USP31: variants seen among roughly 807,000 people sequenced by gnomAD.
The protein encoded by USP31 is ubiquitin carboxyl-terminal hydrolase 31.
In USP31, 44 loss-of-function variants were observed where a neutral mutation model predicts 119.4. The observed-to-expected ratio is 0.37, with a 90% confidence interval of 0.29 to 0.47. The LOEUF is 0.47. Ranked by LOEUF, USP31 falls within the 20% of genes least tolerant of loss-of-function variation. The probability of loss-of-function intolerance (pLI) is 0.99; values close to 1 mark genes in which losing one functional copy is unlikely to be tolerated. For missense variants in USP31, 1,643 were observed against 1,730.2 expected, an observed-to-expected ratio of 0.95 and a Z score of 0.89; for synonymous variants, 749 against 705.6, an observed-to-expected ratio of 1.06 and a Z score of -0.97.
rs1042650956 is a variant in USP31, at chr16:23,098,729, C to T, written c.1234+3590G>A. 2.0e-5 allele frequency among the ~76,000 whole-genome samples: 3 copies of T among 152,148 alleles called. No homozygotes were observed. In the East Asian group the frequency reaches 5.8e-4, roughly 29 times the overall value. Reference sequence around the variant, plus strand: ...AAAAACAAGAAATGGGGAAAGGATTCCCTGTTTAATAAATGGTGCTGGGAA... The same window carrying T: ...AAAAACAAGAAATGGGGAAAGGATTTCCTGTTTAATAAATGGTGCTGGGAA... On this transcript the variant is annotated intron_variant, in intron 6 of 15. Transcript: ENST00000219689.
Position 23,067,913 on chromosome 16 carries a change from TCACA to T in USP31, c.*129_*132del, listed in dbSNP as rs113946424. ...GAATTAGACACACACACGCATACAC[TCACA>T]CACACACACACAGTCGGGCACGTGA... On this transcript the variant is annotated 3_prime_UTR_variant, in exon 16 of 16. Transcript: ENST00000219689. 58 of 1,017,778 alleles carry T rather than the reference TCACA, an allele frequency of 5.7e-5. No homozygotes were observed. The highest frequency in any genetic ancestry group is 6.7e-4 in the Middle Eastern group (2 of 3,000). 63.0% of individuals were successfully genotyped at this position (1,017,778 alleles called of 1,614,324 possible).
intron 1 of USP31, among the ~76,000 whole-genome samples, chr16:23,113,471 C>T (rs901891584): frequency 6.6e-6 from 1 of 152,132 alleles, no homozygotes; most frequent in East Asian, 1.9e-4. Flanking sequence ...AGAGTGGCAT[C>T]ATACAAGTGA....
Position 23,062,326 on chromosome 16 carries a change from A to G in USP31, c.*5720T>C, listed in dbSNP as rs1472522035. On this transcript the variant is annotated 3_prime_UTR_variant, in exon 16 of 16. Coordinates refer to ENST00000219689, the MANE Select transcript of USP31 (RefSeq NM_020718.4). The stretch of plus-strand genomic sequence containing the variant: ...TGTATTACTTAATGGTAAAACAAAC[A>G]AAAAACAAAACAAAACAAAAACACG... 6 of 152,664 alleles carry G rather than the reference A, an allele frequency of 3.9e-5. 1 individual carries two copies. The highest frequency in any genetic ancestry group is 1.4e-4 in the African/African-American group (6 of 41,566). The allele number at this position is 152,664 out of a possible 1,614,324, so 9.5% of individuals were successfully genotyped here. A position where few individuals can be genotyped will look rare whatever the true frequency, so the allele number is the denominator to read the frequency against.
chr16:23,071,358 A>ACTC (rs35004415), intron 15 of USP31, among the ~76,000 whole-genome samples: 41,340 of 150,654 alleles, frequency 0.27, 6,042 homozygotes, highest in Admixed American at 0.35. Flanking sequence ...AGCTGCACTC[A>ACTC]CTCCTTCCAG....
At chr16:23,081,444 C>T (rs1480499859) in intron 12 of USP31, among the ~76,000 whole-genome samples, 3 of 152,148 alleles carry the variant, frequency 2.0e-5, no homozygotes, top group East Asian at 1.9e-4. Context: ...CTGATACCTC[C>T]GCCTCCTCAG....
chr16:23,143,589 G>C lies in USP31; in HGVS notation c.633+5049C>G, dbSNP rs539201074. On this transcript the variant is annotated intron_variant, in intron 1 of 15. Coordinates refer to ENST00000219689, the MANE Select transcript of USP31 (RefSeq NM_020718.4). ...GAGAAAGAGAGAGGGAGAGGTTGGG[G>C]GGGGGGAGAGAGAGAGAAAGAGAGA... 1.7e-4 allele frequency among the ~76,000 whole-genome samples: 25 copies of C among 151,332 alleles called. No individual in the cohort carries two copies. In the South Asian group the frequency reaches 2.3e-3, roughly 14 times the overall value.
chr16:23,129,945 A>G (rs563284542), intron 1 of USP31, among the ~76,000 whole-genome samples: 5 of 152,220 alleles, frequency 3.3e-5, no homozygotes, highest in Non-Finnish European at 7.3e-5. Context: ...CAAAGTAGTC[A>G]GGGGACTGTG....
At chr16:23,114,350 C>A (rs1329756045) in intron 1 of USP31, among the ~76,000 whole-genome samples, 1 of 150,458 alleles carries the variant, frequency 6.6e-6, no homozygotes, top group African/African-American at 2.4e-5. Context: ...GGGGTAATGA[C>A]AATCTCATGG....
At chr16:23,072,009 C>T (rs1171979852) in intron 15 of USP31, 36 bp downstream of exon 15, 20 of 1,589,538 alleles carry the variant, frequency 1.3e-5, no homozygotes, top group Non-Finnish European at 1.7e-5. Flanking sequence ...CTGTGAGTTA[C>T]CATTCTGGAA....
intron 1 of USP31, among the ~76,000 whole-genome samples, chr16:23,142,156 T>C (rs887987432): frequency 2.6e-5 from 4 of 152,248 alleles, no homozygotes; most frequent in Non-Finnish European, 5.9e-5. Context: ...AATTATCCCA[T>C]GTATTTTTAT....
In USP31 at chr16:23,068,735, T is replaced by A; in HGVS notation, c.3370A>T (p.Thr1124Ser). 3 of 1,606,928 alleles carry A rather than the reference T, an allele frequency of 1.9e-6. No homozygotes were observed. The highest frequency in any genetic ancestry group is 2.5e-6 in the Non-Finnish European group (3 of 1,176,908). Residue 1124 changes from threonine (T) to serine (S), a missense_variant, in exon 16 of 16, where the codon ACT becomes TCT. Around this residue, in one of 5 missense-constraint regions of USP31, gnomAD observed 699 missense variants for 650.9 expected, o/e 1.07. Coordinates refer to ENST00000219689, the MANE Select transcript of USP31 (RefSeq NM_020718.4). ...TTTTTGGCAGATGTGGAGGAAGCAG[T>A]GTAGGTGAGGGCCGAGGCTGACTTC... Reference protein sequence around the residue: ...KQKSASALTYTASSTSAKKAS... With the variant: ...KQKSASALTYSASSTSAKKAS...
rs753479028 is a variant in USP31, at chr16:23,102,336, C to CCTTCAGGCCTAAATATTT, written c.1199_1216dup (p.Glu400_Glu405dup). The CCTTCAGGCCTAAATATTT allele has an allele frequency of 2.5e-4, 401 of 1,613,338 alleles. No individual in the cohort carries two copies. Among genetic ancestry groups the CCTTCAGGCCTAAATATTT allele is most frequent in the Middle Eastern group, 4.9e-4 (3 of 6,082 alleles). On this transcript the variant is annotated inframe_insertion, in exon 6 of 16. Transcript: ENST00000219689. Reference sequence around the variant, plus strand: ...TCCCTTACCTCTTTGACTGAGAATTCCTTCAGGCCTAAATATTTCGGGAGT... The same window carrying CCTTCAGGCCTAAATATTT: ...TCCCTTACCTCTTTGACTGAGAATTCCTTCAGGCCTAAATATTTCTTCAGGCCTAAATATTTCGGGAGT...
rs1206810997 is a variant in USP31 at position 23,125,753 on chromosome 16, A to C, written c.634-17570T>G. ...AGGAACTCTTATTTTTAGAAGATTA[A>C]AGAACTTTCCAACTTAATGTATCTG... On this transcript the variant is annotated intron_variant, in intron 1 of 15. Transcript: ENST00000219689. Among the ~76,000 whole-genome samples the C allele has an allele frequency of 4.6e-5, 7 of 152,342 alleles. No homozygotes were observed. The South Asian group carries it at 1.4e-3, about 32-fold the overall frequency.
chr16:23,104,489 G>A (rs1291764865), intron 5 of USP31, among the ~76,000 whole-genome samples: 1 of 152,208 alleles, frequency 6.6e-6, no homozygotes, highest in Non-Finnish European at 1.5e-5. Flanking sequence ...TCATCCTGAA[G>A]AGAAGAAAGA....
At chr16:23,091,766 A>G (rs899726943) in intron 6 of USP31, among the ~76,000 whole-genome samples, 6 of 152,244 alleles carry the variant, frequency 3.9e-5, no homozygotes, top group African/African-American at 1.4e-4. Flanking sequence ...CAAACTAGAA[A>G]TAAGAAAAAA....
intron 7 of USP31, among the ~76,000 whole-genome samples, chr16:23,089,937 G>A (rs891839781): frequency 1.3e-5 from 2 of 151,932 alleles, no homozygotes; most frequent in East Asian, 3.9e-4. Context: ...GTTCAATTTG[G>A]GACAGAAGAC....
rs569037404 is a variant in USP31 at position 23,063,135 on chromosome 16, C to G, written c.*4911G>C. The G allele has an allele frequency of 1.3e-5, 2 of 152,204 alleles. No homozygotes were observed. Among genetic ancestry groups the G allele is most frequent in the East Asian group, 3.8e-4 (2 of 5,200 alleles). The allele number at this position is 152,204 out of a possible 1,614,324, so 9.4% of individuals were successfully genotyped here. On this transcript the variant is annotated 3_prime_UTR_variant, in exon 16 of 16. Coordinates refer to ENST00000219689, the MANE Select transcript of USP31 (RefSeq NM_020718.4). Reference sequence around the variant, plus strand: ...TAATGTGGGTCTTCACTATCTCAGACAAGTCATTCAGAAGAGGCTTAAAAG... The same window carrying G: ...TAATGTGGGTCTTCACTATCTCAGAGAAGTCATTCAGAAGAGGCTTAAAAG...
chr16:23,071,058 CCAGT>C (rs1418084724), intron 15 of USP31, among the ~76,000 whole-genome samples: 3 of 152,124 alleles, frequency 2.0e-5, no homozygotes, highest in East Asian at 3.8e-4. Flanking sequence ...CAAAGGTTCA[CCAGT>C]CAGTTTTCCA....
intron 12 of USP31, among the ~76,000 whole-genome samples, chr16:23,081,043 A>T (rs923776653): frequency 6.6e-6 from 1 of 152,230 alleles, no homozygotes; most frequent in African/African-American, 2.4e-5. Context: ...TGCAACAGTG[A>T]CCAGCTGAAA....
Sources: gnomAD v4.1 joint callset for allele counts (sites outside exome capture counted in the v4.1 genomes callset) on GRCh38, gnomAD v4.1.1 for gene constraint, gnomAD v4.1.1 regional missense constraint, MANE v1.5 for transcripts, NCBI Gene and HGNC (gene_info 2026-07-23, HGNC 2026-07-21) for gene names.